CACNA2D3: variants seen among roughly 807,000 people sequenced by gnomAD.
CACNA2D3 encodes voltage-dependent calcium channel subunit alpha-2/delta-3.
In CACNA2D3, 60 loss-of-function variants were observed where a neutral mutation model predicts 160.6. That is an observed-to-expected ratio of 0.37 (90% CI 0.30 to 0.46). CACNA2D3 has a LOEUF of 0.46. CACNA2D3 is among the 20% of genes least tolerant of loss of function. CACNA2D3 has a pLI of 1.00. For synonymous variants in CACNA2D3, 558 were observed against 492.9 expected, an observed-to-expected ratio of 1.13 and a Z score of -1.75; for missense variants, 1,205 against 1,365.0, an observed-to-expected ratio of 0.88 and a Z score of 1.85.
intron 2 of CACNA2D3, among the ~76,000 whole-genome samples, chr3:54,146,766 C>G (rs9819670): frequency 6.6e-6 from 1 of 152,200 alleles, no homozygotes; most frequent in Non-Finnish European, 1.5e-5. Flanking sequence ...CGTTAGGGCC[C>G]CTCCATCCCC....
At chr3:54,707,750 G>A (rs1700884521) in intron 11 of CACNA2D3, among the ~76,000 whole-genome samples, 1 of 152,146 alleles carries the variant, frequency 6.6e-6, no homozygotes, top group African/African-American at 2.4e-5. Flanking sequence ...TTCACTATGT[G>A]GGGTAGCTTG....
intron 9 of CACNA2D3, among the ~76,000 whole-genome samples, chr3:54,606,137 T>C (rs1036806290): frequency 1.2e-4 from 16 of 136,078 alleles, no homozygotes; most frequent in African/African-American, 4.7e-4. Flanking sequence ...GACTATGTAA[T>C]GTAACTTTAT....
At chr3:54,195,531 G>GCC (rs1278055948) in intron 2 of CACNA2D3, among the ~76,000 whole-genome samples, 1 of 152,198 alleles carries the variant, frequency 6.6e-6, no homozygotes, top group East Asian at 1.9e-4. Context: ...CCTTCTCATA[G>GCC]CCATGTGAAG....
intron 13 of CACNA2D3, among the ~76,000 whole-genome samples, chr3:54,784,161 A>G (rs1702588124): frequency 6.6e-6 from 1 of 152,184 alleles, no homozygotes. Context: ...AAGTAGATCA[A>G]AGCTTCAAAT....
intron 5 of CACNA2D3, among the ~76,000 whole-genome samples, chr3:54,526,707 T>C (rs901992568): frequency 2.0e-5 from 3 of 152,210 alleles, no homozygotes; most frequent in Middle Eastern, 3.2e-3. Context: ...TGTTGTTTTT[T>C]CGAGATGGAG....
intron 5 of CACNA2D3, among the ~76,000 whole-genome samples, chr3:54,560,677 T>G (rs1206480250): frequency 6.6e-6 from 1 of 152,204 alleles, no homozygotes; most frequent in Admixed American, 6.5e-5. Flanking sequence ...TGGTATTGTC[T>G]AGGTTGTATT....
chr3:54,968,658 C>T lies in CACNA2D3; in HGVS notation c.2511+147C>T, dbSNP rs1449970818. On this transcript the variant is annotated intron_variant, in intron 28 of 37. Transcript: ENST00000474759. ...GCTGCTCAGATTACCTTTCATTTCA[C>T]TGCAAAATAAAGGGCTGTCAGCATG... 5 of 633,450 alleles carry T rather than the reference C, an allele frequency of 7.9e-6. No homozygotes were observed. The Admixed American group carries it at 1.3e-4, about 16-fold the overall frequency. 39.2% of individuals were successfully genotyped at this position (633,450 alleles called of 1,614,324 possible).
intron 11 of CACNA2D3, among the ~76,000 whole-genome samples, chr3:54,739,418 T>A (rs1701597054): frequency 9.2e-6 from 1 of 109,276 alleles, no homozygotes; most frequent in Non-Finnish European, 1.8e-5. Flanking sequence ...AGAGTGAGAC[T>A]CTGTCTCAAA....
chr3:54,785,865 C>A (rs1281075341), intron 13 of CACNA2D3, among the ~76,000 whole-genome samples: 1 of 152,136 alleles, frequency 6.6e-6, no homozygotes, highest in African/African-American at 2.4e-5. Context: ...ATTTTCCCTT[C>A]TTATCATTAG....
intron 2 of CACNA2D3, among the ~76,000 whole-genome samples, chr3:54,172,805 C>T (rs1010406407): frequency 3.3e-5 from 5 of 152,192 alleles, no homozygotes; most frequent in African/African-American, 1.2e-4. Flanking sequence ...ATCATATTTT[C>T]TATGCTGAAC....
intron 14 of CACNA2D3, among the ~76,000 whole-genome samples, chr3:54,833,434 T>C (rs1703921405): frequency 6.6e-6 from 1 of 152,174 alleles, no homozygotes; most frequent in Non-Finnish European, 1.5e-5. Context: ...GCATTTTTCT[T>C]GGAAGCCACA....
intron 35 of CACNA2D3, among the ~76,000 whole-genome samples, chr3:55,071,427 C>T (rs571432559): frequency 9.2e-5 from 14 of 152,196 alleles, no homozygotes; most frequent in African/African-American, 3.4e-4. Flanking sequence ...GTTTTAAATA[C>T]TTTTTAATAT....
chr3:54,392,232 C>G (rs751396115), intron 4 of CACNA2D3, among the ~76,000 whole-genome samples: 5 of 152,062 alleles, frequency 3.3e-5, no homozygotes, highest in Admixed American at 6.5e-5. Context: ...TATACATGTT[C>G]TAGTACAATT....
chr3:54,673,876 C>T (rs1028367268), intron 11 of CACNA2D3, among the ~76,000 whole-genome samples: 12 of 152,260 alleles, frequency 7.9e-5, no homozygotes, highest in African/African-American at 2.9e-4. Flanking sequence ...CTCCTCTCCA[C>T]CCTGGAATCC....
intron 11 of CACNA2D3, among the ~76,000 whole-genome samples, chr3:54,647,991 A>G (rs1375609421): frequency 1.3e-5 from 2 of 152,256 alleles, no homozygotes; most frequent in African/African-American, 4.8e-5. Flanking sequence ...GGACCTGCTC[A>G]GGAAATAAAG....
At chr3:55,034,101 G>A (rs1703762566) in intron 35 of CACNA2D3, among the ~76,000 whole-genome samples, 1 of 151,278 alleles carries the variant, frequency 6.6e-6, no homozygotes, top group South Asian at 2.1e-4. Flanking sequence ...GGGTATACAT[G>A]TTTATAATTT....
At chr3:54,952,701 A>G (rs940538897) in intron 27 of CACNA2D3, among the ~76,000 whole-genome samples, 1 of 152,194 alleles carries the variant, frequency 6.6e-6, no homozygotes, top group Non-Finnish European at 1.5e-5. Flanking sequence ...TGGTGCCCGC[A>G]TAGTTCCCTC....
At chr3:54,323,815 T>G (rs1440084961) in intron 3 of CACNA2D3, among the ~76,000 whole-genome samples, 3 of 152,142 alleles carry the variant, frequency 2.0e-5, no homozygotes, top group African/African-American at 7.2e-5. Flanking sequence ...ATTTTAGGTT[T>G]GGCCCTATCA....
At chr3:54,561,782 G>A (rs72865389) in intron 5 of CACNA2D3, among the ~76,000 whole-genome samples, 4,370 of 152,142 alleles carry the variant, frequency 0.029, 186 homozygotes, top group African/African-American at 0.1. Context: ...CATCTGTATT[G>A]GCCTGTTCCC....
Sources: gnomAD v4.1 joint callset for allele counts (sites outside exome capture counted in the v4.1 genomes callset) on GRCh38, gnomAD v4.1.1 for gene constraint, MANE v1.5 for transcripts, NCBI Gene and HGNC (gene_info 2026-07-23, HGNC 2026-07-21) for gene names.